Variants in MS4A6E observed in about 807,000 individuals in gnomAD.
MS4A6E encodes the protein membrane spanning 4-domains A6E, also known as membrane-spanning 4-domains subfamily A member 6E.
MS4A6E carries 8 observed loss-of-function variants against 13.2 expected under a neutral mutation model. The observed-to-expected ratio is 0.60, with a 90% confidence interval of 0.35 to 1.09. The LOEUF (loss-of-function observed/expected upper bound fraction) is 1.09. Ranked by LOEUF, MS4A6E falls within the 50% of genes least tolerant of loss-of-function variation. The probability of loss-of-function intolerance (pLI) is 0.02; values close to 1 mark genes in which losing one functional copy is unlikely to be tolerated. For synonymous variants in MS4A6E, 72 were observed against 67.6 expected, an observed-to-expected ratio of 1.06 and a Z score of -0.32; for missense variants, 177 against 171.1, an observed-to-expected ratio of 1.03 and a Z score of -0.19.
intron 2 of MS4A6E, among the ~76,000 whole-genome samples, chr11:60,335,311 T>A (rs1050042456): frequency 6.6e-6 from 1 of 152,228 alleles, no homozygotes; most frequent in Non-Finnish European, 1.5e-5. Flanking sequence ...CTATATTTTC[T>A]TTTACGAAAG....
At chr11:60,333,527 T>A (rs2085169958) in intron 1 of MS4A6E, among the ~76,000 whole-genome samples, 1 of 152,044 alleles carries the variant, frequency 6.6e-6, no homozygotes, top group Non-Finnish European at 1.5e-5. Context: ...ACACGATAAA[T>A]AAGAGAAGGA....
rs747935798 is a variant in MS4A6E, at chr11:60,339,973, G to A, written c.*9+9G>A. On this transcript the variant is annotated intron_variant, in intron 4 of 4. Transcript: ENST00000684409. ...CTGTCTGACTTCCCTGGGTGAGTGT[G>A]CTGGCCAGCCTCGCTTAATCTTGCC... 1.2e-6 allele frequency: 2 copies of A among 1,612,438 alleles called. No homozygotes were observed. The highest frequency in any genetic ancestry group is 2.2e-5 in the East Asian group (1 of 44,860).
At chr11:60,338,179 C>A (rs552843109) in intron 3 of MS4A6E, among the ~76,000 whole-genome samples, 7 of 152,296 alleles carry the variant, frequency 4.6e-5, no homozygotes, top group African/African-American at 1.7e-4. Flanking sequence ...CTAAAACTTA[C>A]GGTTTGTAGA....
At chr11:60,344,404 A>C (rs1275596548), downstream of MS4A6E, among the ~76,000 whole-genome samples, 1 of 152,172 alleles carries the variant, frequency 6.6e-6, no homozygotes, top group Non-Finnish European at 1.5e-5. Context: ...TTGAGGAGGA[A>C]GGAGCCACCT....
At chr11:60,337,377 A>G (rs1045221309) in intron 2 of MS4A6E, among the ~76,000 whole-genome samples, 1 of 152,092 alleles carries the variant, frequency 6.6e-6, no homozygotes, top group Non-Finnish European at 1.5e-5. Context: ...TGGCCGAGAG[A>G]GAAACTGCAT....
At chr11:60,332,519 T>C (rs1299589654) in intron 1 of MS4A6E, among the ~76,000 whole-genome samples, 2 of 152,214 alleles carry the variant, frequency 1.3e-5, no homozygotes, top group Middle Eastern at 3.2e-3. Flanking sequence ...TTTCCCACTC[T>C]CCAACTCTCT....
intron 1 of MS4A6E, 59 bp from the exon 2 acceptor site, chr11:60,334,823 G>A (rs765374029): frequency 8.2e-5 from 129 of 1,568,216 alleles, no homozygotes; most frequent in Non-Finnish European, 1.1e-4. Flanking sequence ...TACCAGTTTT[G>A]CAGCCAGAAC....
chr11:60,331,568 A>G (rs550360958), intron 1 of MS4A6E, among the ~76,000 whole-genome samples: 2 of 152,220 alleles, frequency 1.3e-5, no homozygotes, highest in South Asian at 4.2e-4. Flanking sequence ...CATGAGTTCA[A>G]GTTAATAATT....
rs905715639 is a variant in MS4A6E at position 60,337,839 on chromosome 11, A to T, written c.246A>T (p.Ser82=). The T allele has an allele frequency of 5.0e-6, 8 of 1,614,142 alleles. No homozygotes were observed. Among genetic ancestry groups the T allele is most frequent in the Non-Finnish European group, 6.8e-6 (8 of 1,180,040 alleles). The change falls in exon 3 of 5, where the codon TCA becomes TCT. Residue 82 remains serine (S), a synonymous_variant. Transcript: ENST00000684409. ...SVNPAALNPA[S]LQCKLDEKDI... ...ACCCGGCTGCATTAAATCCTGCCTC[A>T]TTGCAGTGTAAGTTGGACGAAAAGG... is the stretch of plus-strand genomic sequence containing the variant.
At chr11:60,346,943 C>T (rs1410251174) in intron 4 of MS4A6E, among the ~76,000 whole-genome samples, 2 of 152,234 alleles carry the variant, frequency 1.3e-5, no homozygotes, top group Non-Finnish European at 2.9e-5. Context: ...GTTCGGAAAG[C>T]TTCTATATAC....
chr11:60,342,325 T>TG (rs1333252622), downstream of MS4A6E, among the ~76,000 whole-genome samples: 1 of 152,100 alleles, frequency 6.6e-6, no homozygotes, highest in Non-Finnish European at 1.5e-5. Flanking sequence ...GTCATTTGTC[T>TG]GGGGTAATAT....
intron 1 of MS4A6E, among the ~76,000 whole-genome samples, chr11:60,329,814 C>T (rs2085142514): frequency 6.9e-6 from 1 of 144,230 alleles, no homozygotes; most frequent in African/African-American, 2.5e-5. Context: ...CTGTTCATAT[C>T]CTTCACCCAC....
At chr11:60,336,244 A>T (rs2085187962) in intron 2 of MS4A6E, among the ~76,000 whole-genome samples, 1 of 152,250 alleles carries the variant, frequency 6.6e-6, no homozygotes, top group Admixed American at 6.5e-5. Flanking sequence ...GCACTGTTAC[A>T]ATATGGCGGT....
At chr11:60,336,981 G>A (rs2085192043) in intron 2 of MS4A6E, among the ~76,000 whole-genome samples, 1 of 152,190 alleles carries the variant, frequency 6.6e-6, no homozygotes, top group South Asian at 2.1e-4. Flanking sequence ...GCTGGGTCAA[G>A]TCTATATTGT....
chr11:60,347,579 G>C (rs1333615284), intron 4 of MS4A6E, among the ~76,000 whole-genome samples: 1 of 139,396 alleles, frequency 7.2e-6, no homozygotes, highest in African/African-American at 2.8e-5. Context: ...AAAGAGAACT[G>C]AGAAAAAAAA....
chr11:60,335,093 G>C (rs375148085), intron 2 of MS4A6E, 51 bp downstream of exon 2: 20 of 1,602,580 alleles, frequency 1.2e-5, no homozygotes, highest in Non-Finnish European at 1.5e-5. Flanking sequence ...AGTGGGAAGA[G>C]ATGATGTATG....
At chr11:60,348,593 G>A (rs974799136) in intron 4 of MS4A6E, among the ~76,000 whole-genome samples, 2 of 152,196 alleles carry the variant, frequency 1.3e-5, no homozygotes, top group Admixed American at 6.5e-5. Context: ...TGCTGATGCC[G>A]GATCAAGCAA....
downstream of MS4A6E, among the ~76,000 whole-genome samples, chr11:60,345,692 C>G (rs1215576881): frequency 2.6e-5 from 4 of 152,204 alleles, no homozygotes; most frequent in Admixed American, 6.5e-5. Flanking sequence ...TGTTAAGGAG[C>G]TGGCTGGCTG....
rs114335077 is a variant in MS4A6E at position 60,341,209 on chromosome 11, T to C, written c.*443T>C. On this transcript the variant is annotated 3_prime_UTR_variant, in exon 5 of 5. Transcript: ENST00000684409. ...AACTGATTTGCTGTGGTGCGCAGACTCTTTTATCACAGGTGCTACTGATTT... is the reference window on the plus strand; with the variant it reads ...AACTGATTTGCTGTGGTGCGCAGACCCTTTTATCACAGGTGCTACTGATTT... 6.7e-4 allele frequency among the ~76,000 whole-genome samples: 102 copies of C among 152,342 alleles called. No homozygotes were observed. The highest frequency in any genetic ancestry group is 2.4e-3 in the African/African-American group (98 of 41,576).
Sources: allele counts gnomAD v4.1 joint callset (sites outside exome capture counted in the v4.1 genomes callset), GRCh38; gene constraint gnomAD v4.1.1; transcripts MANE v1.5; gene names NCBI Gene and HGNC (gene_info 2026-07-23, HGNC 2026-07-21).